The following RNF44 variants were observed in gnomAD, a reference collection of about 807,000 sequenced individuals.
The protein encoded by RNF44 is ring finger protein 44.
Under a neutral mutation model 53.6 loss-of-function variants are expected in RNF44, and 25 were observed. The observed-to-expected ratio is 0.47, with a 90% CI of 0.34 to 0.65. The LOEUF (loss-of-function observed/expected upper bound fraction) is 0.65, where lower values mean the gene tolerates loss of function less well. Among genes scored for constraint, RNF44 ranks in the 30% least tolerant of loss-of-function variants. The pLI is 0.01. For synonymous variants in RNF44, 282 were observed against 252.2 expected (o/e 1.12, Z -1.12); for missense variants, 581 against 595.5 (o/e 0.98, Z 0.25).
chr5:176,532,225 T>C (rs758126568), intron 2 of RNF44, 32 bp from the exon 3 acceptor site: 7 of 1,490,922 alleles, frequency 4.7e-6, no homozygotes, highest in African/African-American at 1.4e-5. Flanking sequence ...CCGATAGGAC[T>C]GAGGGGGGCC....
intron 8 of RNF44, 26 bp downstream of exon 8, chr5:176,529,705 C>A (rs1243522483): frequency 2.5e-6 from 4 of 1,610,504 alleles, no homozygotes; most frequent in East Asian, 2.2e-5. Context: ...CCAAACCCCA[C>A]CTCCCAGCAT....
chr5:176,530,132 G>A lies in RNF44; in HGVS notation c.876C>T (p.Pro292=). The A allele has an allele frequency of 4.1e-6, 3 of 740,636 alleles. No homozygotes were observed. The highest frequency in any genetic ancestry group is 5.3e-6 in the Non-Finnish European group (3 of 564,830). 45.9% of individuals were successfully genotyped at this position (740,636 alleles called of 1,614,324 possible). A position where few individuals can be genotyped will look rare whatever the true frequency, so the allele number is the denominator to read the frequency against. The change falls in exon 7 of 11, where the codon CCC becomes CCT. Residue 292 remains proline (P), a synonymous_variant. Transcript: ENST00000274811. ...YRLQQPLPPP[P]PPPPPPPYYP... The stretch of plus-strand genomic sequence containing the variant: ...AGTAGGGTGGTGGGGGTGGGGGTGG[G>A]GGCGGCGGGGGCAGTGGCTGCTGCA...
At position 176,530,910 on chromosome 5, in the gene RNF44, GGGGGGGTGGGGCCGGTGGT is replaced by G. The variant is rs1294250446; in HGVS notation, c.558_576del (p.Pro187SerfsTer80). ...CCCAGGGGCGCCATGTGGGTGGGCT[GGGGGGGTGGGGCCGGTGGT>G]GGGGGGTGCAGGATGTAGTGGTCAC... On this transcript the variant is annotated frameshift_variant, in exon 5 of 11. Transcript: ENST00000274811. LOFTEE classifies it high-confidence loss of function. 1.5e-6 allele frequency: 2 copies of G among 1,375,396 alleles called. No homozygotes were observed. Among genetic ancestry groups the G allele is most frequent in the Non-Finnish European group, 1.9e-6 (2 of 1,046,010 alleles). 85.2% of individuals were successfully genotyped at this position (1,375,396 alleles called of 1,614,324 possible).
rs1756209691 is a variant in RNF44 at position 176,528,182 on chromosome 5, T to C, written c.*846A>G. 6.6e-6 allele frequency: 1 copy of C among 152,182 alleles called. No individual in the cohort carries two copies. Among genetic ancestry groups the C allele is most frequent in the South Asian group, 2.1e-4 (1 of 4,826 alleles). 9.4% of individuals were successfully genotyped at this position (152,182 alleles called of 1,614,324 possible). ...TTAAACCAAAAGAAAAAAGAAATTG[T>C]CTTAAATATCCACATCCCCAAATCC... is the stretch of plus-strand genomic sequence containing the variant. On this transcript the variant is annotated 3_prime_UTR_variant, in exon 11 of 11. Coordinates refer to ENST00000274811, the MANE Select transcript of RNF44 (RefSeq NM_014901.5).
chr5:176,537,505 C>G (rs1409677935), upstream of RNF44: 1 of 152,202 alleles, frequency 6.6e-6, no homozygotes, highest in East Asian at 1.9e-4. Context: ...TTTTTAACCT[C>G]CTCCTCGCCC....
At position 176,531,039 on chromosome 5, in the gene RNF44, AG is replaced by A; in HGVS notation, c.466-19del. On this transcript the variant is annotated intron_variant, in intron 4 of 10. Coordinates refer to ENST00000274811, the MANE Select transcript of RNF44 (RefSeq NM_014901.5). The surrounding 1 kb of genome is among the most constrained non-coding windows in gnomAD (Gnocchi z 4.2). The stretch of plus-strand genomic sequence containing the variant: ...TGGATAAGCTGCCAAGAGAGGGGGC[AG>A]GGGGCTGAGAACGTTCTCCTGGGCT... 7.0e-7 allele frequency: 1 copy of A among 1,436,880 alleles called. No individual in the cohort carries two copies. Among genetic ancestry groups the A allele is most frequent in the Non-Finnish European group, 9.1e-7 (1 of 1,096,910 alleles). 89.0% of individuals were successfully genotyped at this position (1,436,880 alleles called of 1,614,324 possible).
In RNF44 at chr5:176,529,106, C is replaced by T. The variant is rs766949355; in HGVS notation, c.1237-16G>A. 94 of 1,612,906 alleles carry T rather than the reference C, an allele frequency of 5.8e-5. No individual in the cohort carries two copies. The highest frequency in any genetic ancestry group is 7.5e-5 in the Non-Finnish European group (88 of 1,179,908). On this transcript the variant is annotated splice_polypyrimidine_tract_variant and intron_variant, in intron 10 of 10. Coordinates refer to ENST00000274811, the MANE Select transcript of RNF44 (RefSeq NM_014901.5). ...TCCGGTTGGCCTGTGGGAACATGCA[C>T]GTCAGGCGTTGCTCTCACCAGCCCC...
upstream of RNF44, among the ~76,000 whole-genome samples, chr5:176,541,053 G>C (rs148138723): frequency 6.4e-3 from 980 of 152,310 alleles, 13 homozygotes; most frequent in African/African-American, 0.023. Context: ...CTCAAAGGGA[G>C]ACGTCGTTTA....
rs1453218389 is a variant in RNF44 at position 176,527,817 on chromosome 5, A to G, written c.*1211T>C. On this transcript the variant is annotated 3_prime_UTR_variant, in exon 11 of 11. Coordinates refer to ENST00000274811, the MANE Select transcript of RNF44 (RefSeq NM_014901.5). ...AGCGGCCTCCTCCAGAACTTGGAGG[A>G]CAGGGATCAGGCTGGGAAGGCCCCC... 1.3e-5 allele frequency: 2 copies of G among 152,328 alleles called. No individual in the cohort carries two copies. Among genetic ancestry groups the G allele is most frequent in the East Asian group, 3.9e-4 (2 of 5,192 alleles). The allele number at this position is 152,328 out of a possible 1,614,324, so 9.4% of individuals were successfully genotyped here.
rs144106139 is a variant in RNF44, at chr5:176,529,525, C to T, written c.1134G>A (p.Thr378=). Residue 378 remains threonine (T), a splice_region_variant and synonymous_variant, in exon 9 of 11, where the codon ACG becomes ACA. Coordinates refer to ENST00000274811, the MANE Select transcript of RNF44 (RefSeq NM_014901.5). The part of the protein sequence containing the change: ...FNPDSHQSEQ[T]LCVVCFSDFE... ...GGGAGGTGGGGCAGGGTACTCACAG[C>T]GTCTGCTCCGACTGATGGCTGTCCG... 1,113 of 1,613,938 alleles carry T rather than the reference C, an allele frequency of 6.9e-4. 8 individuals are homozygous for T. In the African/African-American group the frequency reaches 0.013, roughly 19 times the overall value.
At chr5:176,541,191 G>A (rs1178581027), upstream of RNF44, among the ~76,000 whole-genome samples, 2 of 152,184 alleles carry the variant, frequency 1.3e-5, no homozygotes, top group Non-Finnish European at 2.9e-5. Context: ...GAGGTTCTAT[G>A]GGGGAAATGG....
chr5:176,529,284 T>C lies in RNF44; in HGVS notation c.1236+4A>G. 4 of 1,613,168 alleles carry C rather than the reference T, an allele frequency of 2.5e-6. No individual in the cohort carries two copies. Among genetic ancestry groups the C allele is most frequent in the Non-Finnish European group, 3.4e-6 (4 of 1,179,502 alleles). ...TACCCAGGAGCAGACCTGGGCAGTGTTACCTTCAACCACTTGTCAACACAC... is the reference window on the plus strand; with the variant it reads ...TACCCAGGAGCAGACCTGGGCAGTGCTACCTTCAACCACTTGTCAACACAC... On this transcript the variant is annotated splice_donor_region_variant and intron_variant, in intron 10 of 10. Transcript: ENST00000274811.
intron 1 of RNF44, among the ~76,000 whole-genome samples, chr5:176,535,746 A>T (rs1157350780): frequency 1.3e-5 from 2 of 151,074 alleles, no homozygotes; most frequent in Non-Finnish European, 2.9e-5. Flanking sequence ...AGCAAGGCCC[A>T]GAGTTGGAGC....
Position 176,532,105 on chromosome 5 carries a change from GGAGGTGT to G in RNF44, c.189_195del (p.His64ProfsTer2). On this transcript the variant is annotated frameshift_variant, in exon 3 of 11. Transcript: ENST00000274811. LOFTEE classifies it high-confidence loss of function. ...GCCGAGGCTCGGCGCTCCTCTACGG[GGAGGTGT>G]GGAGGTCGGGACGGCGGCTGCTGGG... is the stretch of plus-strand genomic sequence containing the variant. The G allele has an allele frequency of 6.3e-7, 1 of 1,592,950 alleles. No individual in the cohort carries two copies. The highest frequency in any genetic ancestry group is 8.5e-7 in the Non-Finnish European group (1 of 1,171,418).
upstream of RNF44, among the ~76,000 whole-genome samples, chr5:176,541,579 G>A (rs1252179146): frequency 6.6e-6 from 1 of 152,002 alleles, no homozygotes; most frequent in Admixed American, 6.6e-5. Flanking sequence ...GCCACATTCC[G>A]GCTTCCTCCC....
Position 176,528,425 on chromosome 5 carries a change from T to C in RNF44, c.*603A>G, listed in dbSNP as rs1352582987. 5 of 152,196 alleles carry C rather than the reference T, an allele frequency of 3.3e-5. No individual in the cohort carries two copies. The highest frequency in any genetic ancestry group is 3.3e-4 in the Admixed American group (5 of 15,282). 9.4% of individuals were successfully genotyped at this position (152,196 alleles called of 1,614,324 possible). A position where few individuals can be genotyped will look rare whatever the true frequency, so the allele number is the denominator to read the frequency against. On this transcript the variant is annotated 3_prime_UTR_variant, in exon 11 of 11. Transcript: ENST00000274811. ...GCTGGGACGCCCTCCAGCCTGAGGG[T>C]GGGGCTGGAATGTTGTTCCTGGGAT...
chr5:176,536,699 AG>A (rs1228276260), intron 1 of RNF44, among the ~76,000 whole-genome samples: 1 of 126,156 alleles, frequency 7.9e-6, no homozygotes, highest in Non-Finnish European at 1.6e-5. Context: ...CCGCAGGGGG[AG>A]GGGGGCGGCT....
rs1756062703 is a variant in RNF44 at position 176,526,768 on chromosome 5, A to T, written c.*2260T>A. 1 of 152,230 alleles carries T rather than the reference A, an allele frequency of 6.6e-6. No homozygotes were observed. The highest frequency in any genetic ancestry group is 1.5e-5 in the Non-Finnish European group (1 of 67,914). The allele number at this position is 152,230 out of a possible 1,614,324, so 9.4% of individuals were successfully genotyped here. A position where few individuals can be genotyped will look rare whatever the true frequency, so the allele number is the denominator to read the frequency against. ...TCCCTCTGAAATCAGCAACAATATT[A>T]AAAAAAATAATGATTGCACTACTTG... On this transcript the variant is annotated 3_prime_UTR_variant, in exon 11 of 11. Transcript: ENST00000274811.
At chr5:176,539,618 G>A (rs944340296), upstream of RNF44, among the ~76,000 whole-genome samples, 5 of 152,038 alleles carry the variant, frequency 3.3e-5, no homozygotes, top group Non-Finnish European at 7.4e-5. Flanking sequence ...AACATGGGAA[G>A]TGGAGGTTGC....
Sources: gnomAD v4.1 joint callset for allele counts (sites outside exome capture counted in the v4.1 genomes callset) on GRCh38, gnomAD v4.1.1 for gene constraint, Gnocchi (gnomAD v3.1) non-coding constraint, MANE v1.5 for transcripts, NCBI Gene and HGNC (gene_info 2026-07-23, HGNC 2026-07-21) for gene names.